Variants in RASA1 observed in about 807,000 individuals in gnomAD.
RASA1 encodes the protein RAS p21 protein activator 1.
RASA1 carries 25 observed loss-of-function variants against 132.2 expected under a neutral mutation model. That is an observed-to-expected ratio of 0.19 (90% confidence interval 0.14 to 0.26). The LOEUF (loss-of-function observed/expected upper bound fraction) is 0.26. RASA1 is among the 10% of genes least tolerant of loss of function. The pLI is 1.00. For missense variants in RASA1, 964 were observed against 1,299.2 expected (o/e 0.74, Z 3.97); for synonymous variants, 477 against 449.9 (o/e 1.06, Z -0.76).
Position 87,268,660 on chromosome 5 carries a change from A to T in RASA1, c.209A>T (p.Glu70Val). 2 of 1,610,944 alleles carry T rather than the reference A, an allele frequency of 1.2e-6. No homozygotes were observed. The highest frequency in any genetic ancestry group is 1.7e-6 in the Non-Finnish European group (2 of 1,178,908). The change falls in exon 1 of 25, where the codon GAG (glutamate) becomes GTG (valine). Residue 70 changes from glutamate to valine, a missense_variant. Physicochemically the swap from Glu to Val is moderately radical, Grantham distance 121. This residue lies in a region of RASA1 where 326 missense variants were observed against 275.8 expected (regional missense o/e 1.18). Coordinates refer to ENST00000274376, the MANE Select transcript of RASA1 (RefSeq NM_002890.3). ...TLGGGAALGS[E>V]FLGAGSVAGA... ...GGTGGCGGAGCCGCTTTGGGGTCAG[A>T]GTTCCTAGGAGCCGGGTCTGTGGCA...
chr5:87,373,409 T>C (rs537607970), intron 13 of RASA1, among the ~76,000 whole-genome samples: 8 of 152,264 alleles, frequency 5.3e-5, no homozygotes, highest in African/African-American at 1.9e-4. Flanking sequence ...CTTGAGCATC[T>C]TGGGCTTCGT....
chr5:87,338,201 C>A, intron 5 of RASA1, 110 bp downstream of exon 5: 8 of 1,518,584 alleles, frequency 5.3e-6, no homozygotes, highest in Non-Finnish European at 7.2e-6. Flanking sequence ...TATAAAAGAA[C>A]TTAATTGATA....
intron 12 of RASA1, among the ~76,000 whole-genome samples, chr5:87,371,493 C>G (rs1339203576): frequency 6.6e-6 from 1 of 152,008 alleles, no homozygotes; most frequent in Admixed American, 6.6e-5. Flanking sequence ...TCCTTTTCCC[C>G]AAAGCACTAG....
At chr5:87,354,443 A>T (rs1759503533) in intron 9 of RASA1, among the ~76,000 whole-genome samples, 1 of 152,098 alleles carries the variant, frequency 6.6e-6, no homozygotes, top group Non-Finnish European at 1.5e-5. Context: ...TAATGTTACT[A>T]TTGCAATTGT....
chr5:87,374,117 C>G (rs1484581571), intron 13 of RASA1, 46 bp from the exon 14 acceptor site: 1 of 1,273,982 alleles, frequency 7.8e-7, no homozygotes, highest in Non-Finnish European at 1.0e-6. Flanking sequence ...TAGTGCAATT[C>G]TAGAAATCTG....
chr5:87,277,402 G>A (rs1226135680), intron 1 of RASA1, among the ~76,000 whole-genome samples: 1 of 152,134 alleles, frequency 6.6e-6, no homozygotes, highest in Admixed American at 6.5e-5. Context: ...AAGGTTAAAT[G>A]AGGTCATAAG....
At chr5:87,287,332 C>CACACCATATATATACCATGTAT (rs1754657958) in intron 1 of RASA1, among the ~76,000 whole-genome samples, 1 of 144,484 alleles carries the variant, frequency 6.9e-6, no homozygotes, top group East Asian at 2.0e-4. Context: ...ACCATATATA[C>CACACCATATATATACCATGTAT]ACACCATATA....
chr5:87,272,656 C>T (rs939202496), intron 1 of RASA1, among the ~76,000 whole-genome samples: 30 of 151,978 alleles, frequency 2.0e-4, no homozygotes, highest in African/African-American at 7.0e-4. Flanking sequence ...ATTTTACTAG[C>T]ACTAAATTGT....
At chr5:87,296,715 A>G (rs1191911742) in intron 1 of RASA1, among the ~76,000 whole-genome samples, 1 of 151,720 alleles carries the variant, frequency 6.6e-6, no homozygotes. Context: ...TTCTTTCAAG[A>G]TTTTTTTCTT....
chr5:87,387,794 A>G (rs1762168534), intron 23 of RASA1, among the ~76,000 whole-genome samples: 2 of 152,152 alleles, frequency 1.3e-5, no homozygotes, highest in Admixed American at 1.3e-4. Flanking sequence ...TTATAGTGAA[A>G]TTTATAGTGA....
intron 12 of RASA1, among the ~76,000 whole-genome samples, chr5:87,371,616 A>G (rs1311032804): frequency 6.6e-6 from 1 of 152,046 alleles, no homozygotes; most frequent in East Asian, 1.9e-4. Flanking sequence ...CCCCTTATAC[A>G]TTTCTACCTG....
chr5:87,331,633 G>A, intron 2 of RASA1, 133 bp downstream of exon 2: 3 of 1,019,576 alleles, frequency 2.9e-6, no homozygotes, highest in South Asian at 2.9e-5. Flanking sequence ...TCAGTCAAAT[G>A]ATTTAATCAG....
intron 8 of RASA1, among the ~76,000 whole-genome samples, chr5:87,351,413 T>TG (rs968766255): frequency 6.6e-6 from 1 of 151,598 alleles, no homozygotes; most frequent in African/African-American, 2.4e-5. Context: ...GAGAGTTCAG[T>TG]GGGGGGTGAG....
chr5:87,271,925 G>A (rs183769778), intron 1 of RASA1, among the ~76,000 whole-genome samples: 5 of 151,802 alleles, frequency 3.3e-5, no homozygotes, highest in South Asian at 4.2e-4. Context: ...AGGCCAAGGC[G>A]AGTGGATCAC....
At chr5:87,349,497 A>G in intron 8 of RASA1, 133 bp downstream of exon 8, 1 of 1,027,454 alleles carries the variant, frequency 9.7e-7, no homozygotes, top group Non-Finnish European at 1.4e-6. Context: ...ATATAATTTC[A>G]TAGTAGTCAT....
intron 1 of RASA1, among the ~76,000 whole-genome samples, chr5:87,282,661 G>C (rs918696962): frequency 6.6e-6 from 1 of 152,008 alleles, no homozygotes; most frequent in African/African-American, 2.4e-5. Context: ...TTTTCTTTGG[G>C]ACTCCAGTGA....
Position 87,372,174 on chromosome 5 carries a change from A to G in RASA1, c.1755A>G (p.Thr585=). 2 of 1,613,726 alleles carry G rather than the reference A, an allele frequency of 1.2e-6. No homozygotes were observed. Among genetic ancestry groups the G allele is most frequent in the Non-Finnish European group, 1.7e-6 (2 of 1,179,752 alleles). The change falls in exon 13 of 25, where the codon ACA becomes ACG. Residue 585 remains threonine, a synonymous_variant. Transcript: ENST00000274376. ...FCNLRKSSPG[T]SNKRLRQVSS... ...ATTTACGGAAAAGTAGTCCAGGGAC[A>G]TCCAATAAACGCCTTCGTCAGGTGA... is the stretch of plus-strand genomic sequence containing the variant.
intron 1 of RASA1, among the ~76,000 whole-genome samples, chr5:87,317,977 T>A (rs1010435180): frequency 6.6e-6 from 1 of 152,166 alleles, no homozygotes; most frequent in Non-Finnish European, 1.5e-5. Context: ...CCATTTTTTT[T>A]AGAGCTTTGC....
At chr5:87,312,848 T>C (rs1756021447) in intron 1 of RASA1, among the ~76,000 whole-genome samples, 3 of 152,270 alleles carry the variant, frequency 2.0e-5, no homozygotes, top group Admixed American at 6.5e-5. Context: ...CCTAAATCTT[T>C]CGCTATCAGA....
Sources: gnomAD v4.1 joint callset for allele counts (sites outside exome capture counted in the v4.1 genomes callset) on GRCh38, gnomAD v4.1.1 for gene constraint, gnomAD v4.1.1 regional missense constraint, MANE v1.5 for transcripts, NCBI Gene and HGNC (gene_info 2026-07-23, HGNC 2026-07-21) for gene names.